Variants in OSBP2 observed in about 807,000 individuals in gnomAD.
OSBP2 encodes the protein oxysterol-binding protein 2.
Under a neutral mutation model 96.0 loss-of-function variants are expected in OSBP2, and 66 were observed. That is an observed-to-expected ratio of 0.69 (90% CI 0.56 to 0.84). OSBP2 has a LOEUF of 0.84. Ranked by LOEUF, OSBP2 falls within the 40% of genes least tolerant of loss-of-function variation. The probability of loss-of-function intolerance (pLI) is 0.00; values close to 1 mark genes in which losing one functional copy is unlikely to be tolerated. For missense variants in OSBP2, 1,038 were observed against 1,222.7 expected, an observed-to-expected ratio of 0.85 and a Z score of 2.25; for synonymous variants, 525 against 520.9, an observed-to-expected ratio of 1.01 and a Z score of -0.11.
chr22:30,832,032 C>T (rs1276848933), intron 2 of OSBP2, among the ~76,000 whole-genome samples: 1 of 152,138 alleles, frequency 6.6e-6, no homozygotes, highest in African/African-American at 2.4e-5. Flanking sequence ...TCCTCTTTGC[C>T]TGCTTTGGCC....
intron 2 of OSBP2, among the ~76,000 whole-genome samples, chr22:30,820,288 C>G: frequency 6.6e-6 from 1 of 151,976 alleles, no homozygotes; most frequent in African/African-American, 2.4e-5. Context: ...ACTCAGGAGG[C>G]TGAGGCAGGA....
Position 30,839,910 on chromosome 22 carries a change from T to C in OSBP2, c.854-30519T>C, listed in dbSNP as rs1602340251. Among the ~76,000 whole-genome samples, 3 of 152,208 alleles carry C rather than the reference T, an allele frequency of 2.0e-5. No homozygotes were observed. The South Asian group carries it at 6.2e-4, about 32-fold the overall frequency. ...GCTTTTGGTGTTTTAGACATGAAGTTCTTGCCCATGCCTATGTCCTGAATG... is the reference window on the plus strand; with the variant it reads ...GCTTTTGGTGTTTTAGACATGAAGTCCTTGCCCATGCCTATGTCCTGAATG... On this transcript the variant is annotated intron_variant, in intron 2 of 13. Coordinates refer to ENST00000332585, the MANE Select transcript of OSBP2 (RefSeq NM_030758.4).
intron 2 of OSBP2, among the ~76,000 whole-genome samples, chr22:30,762,332 G>A (rs1025509140): frequency 3.3e-5 from 5 of 152,134 alleles, no homozygotes; most frequent in Admixed American, 1.3e-4. Flanking sequence ...GGTGGACCAC[G>A]AGGTCAGGAG....
Position 30,905,866 on chromosome 22 carries a change from C to G in OSBP2, c.2405C>G (p.Ser802Ter). Residue 802 changes from serine to a stop codon, truncating the protein, a stop_gained, in exon 13 of 14, where the codon TCA becomes TGA. Transcript: ENST00000332585. LOFTEE classifies it high-confidence loss of function. ...PENAENMYYF[S>*]ELALTLNEHE... ...AACGCGGAGAACATGTACTACTTCT[C>G]AGAGCTGGCCCTGACCCTCAACGAG... The G allele has an allele frequency of 1.2e-6, 2 of 1,613,426 alleles. No individual in the cohort carries two copies. The highest frequency in any genetic ancestry group is 1.7e-6 in the Non-Finnish European group (2 of 1,179,694).
intron 2 of OSBP2, among the ~76,000 whole-genome samples, chr22:30,839,098 G>A (rs909821704): frequency 1.4e-5 from 2 of 145,006 alleles, no homozygotes; most frequent in Admixed American, 7.0e-5. Flanking sequence ...AACATGTGGT[G>A]TTTGGTTTTT....
intron 12 of OSBP2, among the ~76,000 whole-genome samples, chr22:30,899,402 C>CAAAAAAA (rs59384656): frequency 1.2e-5 from 1 of 86,612 alleles, no homozygotes; most frequent in African/African-American, 4.3e-5. Context: ...GACCCTATCT[C>CAAAAAAA]AAAAAAAAAA....
intron 2 of OSBP2, among the ~76,000 whole-genome samples, chr22:30,862,829 C>G (rs1011474054): frequency 1.3e-5 from 2 of 148,468 alleles, no homozygotes; most frequent in Non-Finnish European, 3.0e-5. Context: ...AAAAGTTAGC[C>G]AGGTGTGGTG....
chr22:30,737,315 C>CT (rs34541516), intron 1 of OSBP2, among the ~76,000 whole-genome samples: 7,188 of 110,398 alleles, frequency 0.065, 431 homozygotes, highest in East Asian at 0.094. Context: ...TGCGCCCGGC[C>CT]TTTTTTTTTT....
At chr22:30,888,859 C>T (rs1412395498) in intron 5 of OSBP2, among the ~76,000 whole-genome samples, 1 of 152,122 alleles carries the variant, frequency 6.6e-6, no homozygotes, top group Non-Finnish European at 1.5e-5. Context: ...GCCTATAGCT[C>T]CTGGGCTACA....
At chr22:30,872,567 A>G (rs1298605460) in intron 3 of OSBP2, 6 of 360,710 alleles carry the variant, frequency 1.7e-5, no homozygotes, top group African/African-American at 1.3e-4. Flanking sequence ...CTGCAGCTCC[A>G]GCATCCGGGG....
chr22:30,888,414 C>G, intron 5 of OSBP2, 74 bp downstream of exon 5: 2 of 912,868 alleles, frequency 2.2e-6, no homozygotes, highest in South Asian at 2.7e-5. Flanking sequence ...CACCAGCTAT[C>G]TAGTTGTCTA....
rs761012867 is a variant in OSBP2, at chr22:30,906,061, C to A, written c.2600C>A (p.Ser867Ter). Reference sequence around the variant, plus strand: ...TGCGGGCCGGGCAGCAGCTGCAGCTCGGAGGAAGGTGAGGCCGGGCGGGAA... The same window carrying A: ...TGCGGGCCGGGCAGCAGCTGCAGCTAGGAGGAAGGTGAGGCCGGGCGGGAA... Reference protein sequence around the residue: ...EACGPGSSCSSEEEKEADAYT... With the variant: ...EACGPGSSCS The change falls in exon 13 of 14, where the codon TCG becomes TAG. Residue 867 changes from serine (S) to a stop codon, truncating the protein, a stop_gained. Coordinates refer to ENST00000332585, the MANE Select transcript of OSBP2 (RefSeq NM_030758.4). LOFTEE classifies it high-confidence loss of function. 11 of 1,395,882 alleles carry A rather than the reference C, an allele frequency of 7.9e-6. No homozygotes were observed. The Admixed American group carries it at 1.3e-4, about 16-fold the overall frequency. The allele number at this position is 1,395,882 out of a possible 1,614,324, so 86.5% of individuals were successfully genotyped here.
rs765817634 is a variant in OSBP2, at chr22:30,695,169, C to T, written c.260C>T (p.Thr87Met). 2.6e-5 allele frequency: 42 copies of T among 1,611,450 alleles called. No homozygotes were observed. In the South Asian group the frequency reaches 3.5e-4, roughly 14 times the overall value. ...VPRSEPVSET[T>M]SEPEPGAGQP... ...AGATCGGAACCTGTGTCCGAGACGA[C>T]GTCTGAGCCGGAGCCAGGGGCTGGG... The change falls in exon 1 of 14, where the codon ACG becomes ATG. Residue 87 changes from threonine (T) to methionine (M), a missense_variant. Around this residue, in one of 3 missense-constraint regions of OSBP2, gnomAD observed 281 missense variants for 273.4 expected, o/e 1.03. Coordinates refer to ENST00000332585, the MANE Select transcript of OSBP2 (RefSeq NM_030758.4).
At chr22:30,836,366 A>G (rs1412796652) in intron 2 of OSBP2, among the ~76,000 whole-genome samples, 4 of 152,146 alleles carry the variant, frequency 2.6e-5, no homozygotes, top group Admixed American at 2.6e-4. Context: ...GCTTGTTTGA[A>G]CTTGGGCAGG....
chr22:30,869,598 G>A (rs139351515), intron 2 of OSBP2, among the ~76,000 whole-genome samples: 31 of 152,174 alleles, frequency 2.0e-4, no homozygotes, highest in Admixed American at 1.7e-3. Context: ...GCAGTGGCAC[G>A]ATCATGGCTC....
chr22:30,889,162 G>A lies in OSBP2; in HGVS notation c.1419-15G>A, dbSNP rs372939036. 111 of 1,611,766 alleles carry A rather than the reference G, an allele frequency of 6.9e-5. No individual in the cohort carries two copies. Among genetic ancestry groups the A allele is most frequent in the African/African-American group, 4.7e-4 (35 of 74,808 alleles). ...GGGATTCATTAGTAACTTGCCTCCCGCTTTGTATTTCCAGCAGAAAAGCTG... is the reference window on the plus strand; with the variant it reads ...GGGATTCATTAGTAACTTGCCTCCCACTTTGTATTTCCAGCAGAAAAGCTG... On this transcript the variant is annotated splice_polypyrimidine_tract_variant and intron_variant, in intron 5 of 13. Coordinates refer to ENST00000332585, the MANE Select transcript of OSBP2 (RefSeq NM_030758.4).
chr22:30,775,704 C>T (rs911039332), intron 2 of OSBP2, among the ~76,000 whole-genome samples: 2 of 152,158 alleles, frequency 1.3e-5, no homozygotes, highest in Non-Finnish European at 2.9e-5. Context: ...TGTTCAAATA[C>T]CTAATTATAA....
chr22:30,772,449 G>A (rs537885441), intron 2 of OSBP2, among the ~76,000 whole-genome samples: 2 of 152,338 alleles, frequency 1.3e-5, no homozygotes, highest in African/African-American at 4.8e-5. Context: ...GGGAAGCCAG[G>A]CTGGCCCGTG....
At chr22:30,821,233 A>G (rs1429334260) in intron 2 of OSBP2, among the ~76,000 whole-genome samples, 1 of 152,178 alleles carries the variant, frequency 6.6e-6, no homozygotes, top group African/African-American at 2.4e-5. Context: ...TCTGAGTGGG[A>G]GAGTGTCAGC....
Sources: allele counts gnomAD v4.1 joint callset (sites outside exome capture counted in the v4.1 genomes callset), GRCh38; gene constraint gnomAD v4.1.1; regional missense constraint gnomAD v4.1.1; transcripts MANE v1.5; gene names NCBI Gene and HGNC (gene_info 2026-07-23, HGNC 2026-07-21).